The following TENT5B variants were observed in gnomAD, a reference collection of about 807,000 sequenced individuals.
The protein encoded by TENT5B is family with sequence similarity 46 member B.
TENT5B carries 12 observed loss-of-function variants against 21.7 expected under a neutral mutation model. That is an observed-to-expected ratio of 0.55 (90% CI 0.36 to 0.90). The LOEUF (loss-of-function observed/expected upper bound fraction) is 0.90. TENT5B is among the 40% of genes least tolerant of loss of function. TENT5B has a pLI of 0.01. For synonymous variants in TENT5B, 262 were observed against 266.6 expected, an observed-to-expected ratio of 0.98 and a Z score of 0.17; for missense variants, 540 against 601.5, an observed-to-expected ratio of 0.90 and a Z score of 1.07.
chr1:27,007,083 A>C (rs1301189755), intron 1 of TENT5B, 126 bp from the exon 2 acceptor site: 1 of 254,626 alleles, frequency 3.9e-6, no homozygotes, highest in Non-Finnish European at 5.9e-6. Context: ...TGCCTTTGGA[A>C]AATCATTTAA....
intron 1 of TENT5B, among the ~76,000 whole-genome samples, chr1:27,010,415 C>G (rs1024183618): frequency 2.0e-4 from 30 of 152,060 alleles, no homozygotes; most frequent in African/African-American, 6.8e-4. Context: ...CACCACCCTC[C>G]CCCTCTCCCC....
intron 1 of TENT5B, among the ~76,000 whole-genome samples, chr1:27,008,605 G>T (rs1386042488): frequency 1.3e-5 from 2 of 152,012 alleles, no homozygotes; most frequent in African/African-American, 4.8e-5. Flanking sequence ...AATCTATGGG[G>T]ACAGGTGTCT....
chr1:27,012,374 T>C (rs1257171799), intron 1 of TENT5B, 33 bp downstream of exon 1: 2 of 1,599,386 alleles, frequency 1.3e-6, no homozygotes, highest in Non-Finnish European at 1.7e-6. Context: ...TCAGAAGGGA[T>C]TCCCCCACAT....
In TENT5B at chr1:27,006,641, T is replaced by C; in HGVS notation, c.581A>G (p.Asn194Ser). The change falls in exon 2 of 2, where the codon AAC (asparagine) becomes AGC (serine). Residue 194 changes from asparagine (N) to serine (S), a missense_variant. By Grantham distance (46) the Asn-to-Ser change is conservative. Coordinates refer to ENST00000289166, the MANE Select transcript of TENT5B (RefSeq NM_052943.4). The surrounding 1 kb of genome is among the most constrained non-coding windows in gnomAD (Gnocchi z 9.4). ...SDRWSLISLS[N>S]KSGKNVELKF... ...GAGCTCCACGTTCTTGCCGCTCTTG[T>C]TGGACAGTGAGATGAGGCTCCAGCG... 1 of 1,614,110 alleles carries C rather than the reference T, an allele frequency of 6.2e-7. No individual in the cohort carries two copies. The highest frequency in any genetic ancestry group is 1.3e-5 in the African/African-American group (1 of 75,046).
At chr1:27,008,977 C>CTTTTTTT (rs58360969) in intron 1 of TENT5B, among the ~76,000 whole-genome samples, 10 of 31,006 alleles carry the variant, frequency 3.2e-4, no homozygotes, top group East Asian at 1.5e-3. Context: ...CTCCATCCTT[C>CTTTTTTT]TTTTTTTTTT....
rs1241523483 is a variant in TENT5B, at chr1:27,012,687, C to G, written c.-17G>C. 1 of 1,452,220 alleles carries G rather than the reference C, an allele frequency of 6.9e-7. No individual in the cohort carries two copies. 90.0% of individuals were successfully genotyped at this position (1,452,220 alleles called of 1,614,324 possible). On this transcript the variant is annotated 5_prime_UTR_variant, in exon 1 of 2. Transcript: ENST00000289166. ...CGGCATCATCCGCCCGGCCCCCGGG[C>G]CCCGACGGCAGAAACCGTGGGGGTG...
chr1:27,006,922 A>C lies in TENT5B; in HGVS notation c.300T>G (p.His100Gln), dbSNP rs1484025532. Residue 100 changes from histidine (H) to glutamine (Q), a missense_variant, in exon 2 of 2, where the codon CAT becomes CAG. By Grantham distance (24) the His-to-Gln change is conservative. Transcript: ENST00000289166. This position sits in a 1 kb window ranked among gnomAD's most constrained non-coding sequence, Gnocchi z 9.4. Reference sequence around the variant, plus strand: ...AACCATGCAGCCGCACACTGTGCACATGTAGTCCCTGCTCCTCCAGGGTGC... The same window carrying C: ...AACCATGCAGCCGCACACTGTGCACCTGTAGTCCCTGCTCCTCCAGGGTGC... Reference protein sequence around the residue: ...VRSTLEEQGLHVHSVRLHGSA... With the variant: ...VRSTLEEQGLQVHSVRLHGSA... 1 of 1,604,428 alleles carries C rather than the reference A, an allele frequency of 6.2e-7. No individual in the cohort carries two copies. The highest frequency in any genetic ancestry group is 8.5e-7 in the Non-Finnish European group (1 of 1,173,436).
chr1:27,010,174 GACTTGTCCAAGGTTAC>G (rs1342901325), intron 1 of TENT5B, among the ~76,000 whole-genome samples: 1 of 152,172 alleles, frequency 6.6e-6, no homozygotes, highest in African/African-American at 2.4e-5. Flanking sequence ...GAAGGCAAAG[GACTTGTCCAAGGTTAC>G]ACAACCAATA....
intron 1 of TENT5B, 55 bp from the exon 2 acceptor site, chr1:27,007,012 A>G: frequency 1.3e-6 from 2 of 1,492,970 alleles, no homozygotes; most frequent in East Asian, 2.3e-5. Flanking sequence ...GGGGTCCACC[A>G]AGGACTTCCG....
Position 27,006,966 on chromosome 1 carries a change from G to A in TENT5B, c.265-9C>T. 6.4e-7 allele frequency: 1 copy of A among 1,566,448 alleles called. No individual in the cohort carries two copies. The highest frequency in any genetic ancestry group is 8.7e-7 in the Non-Finnish European group (1 of 1,152,872). On this transcript the variant is annotated splice_polypyrimidine_tract_variant and intron_variant, in intron 1 of 1. Coordinates refer to ENST00000289166, the MANE Select transcript of TENT5B (RefSeq NM_052943.4). The surrounding 1 kb of genome is among the most constrained non-coding windows in gnomAD (Gnocchi z 9.4). ...AGGGTGCTGCGGACCACCTGCAGGG[G>A]AGAGCAGGAAGGAGAGGTGTCAGGA...
chr1:27,008,316 G>A (rs2082609884), intron 1 of TENT5B, among the ~76,000 whole-genome samples: 1 of 152,178 alleles, frequency 6.6e-6, no homozygotes, highest in Non-Finnish European at 1.5e-5. Context: ...AGACCAGGCT[G>A]TTCTCCTTGC....
chr1:27,006,200 G>A lies in TENT5B; in HGVS notation c.1022C>T (p.Ala341Val), dbSNP rs1384487671. 6.2e-7 allele frequency: 1 copy of A among 1,612,304 alleles called. No homozygotes were observed. Among genetic ancestry groups the A allele is most frequent in the South Asian group, 1.1e-5 (1 of 90,948 alleles). ...CACCCGGTGCAGTGTCACCAGGCAG[G>A]CGTAACGGCGGGCTGCATCTGCCCC... ...FGGADAARRY[A>V]CLVTLHRVVN... Residue 341 changes from alanine (A) to valine (V), a missense_variant, in exon 2 of 2, where the codon GCC (alanine) becomes GTC (valine). By Grantham distance (64) the Ala-to-Val change is moderately conservative. Coordinates refer to ENST00000289166, the MANE Select transcript of TENT5B (RefSeq NM_052943.4). This position sits in a 1 kb window ranked among gnomAD's most constrained non-coding sequence, Gnocchi z 9.4.
At chr1:27,010,693 C>G (rs1247852667) in intron 1 of TENT5B, among the ~76,000 whole-genome samples, 1 of 152,224 alleles carries the variant, frequency 6.6e-6, no homozygotes, top group East Asian at 1.9e-4. Context: ...CAGCCCAGCT[C>G]TGAAGTCTCT....
intron 1 of TENT5B, among the ~76,000 whole-genome samples, chr1:27,007,555 C>T (rs2082606767): frequency 6.6e-6 from 1 of 151,876 alleles, no homozygotes; most frequent in African/African-American, 2.4e-5. Flanking sequence ...CTGTGCCCGG[C>T]TAATTTTTGT....
chr1:27,010,353 T>C (rs2082618062), intron 1 of TENT5B, among the ~76,000 whole-genome samples: 1 of 152,068 alleles, frequency 6.6e-6, no homozygotes. Flanking sequence ...GTTCCAATTT[T>C]TGAGCCATAG....
At chr1:27,011,362 T>G (rs2082623112) in intron 1 of TENT5B, among the ~76,000 whole-genome samples, 1 of 151,926 alleles carries the variant, frequency 6.6e-6, no homozygotes, top group African/African-American at 2.4e-5. Context: ...CGCACAGGAG[T>G]CCTCGCTGGG....
intron 1 of TENT5B, among the ~76,000 whole-genome samples, chr1:27,008,045 CTG>C (rs1190694373): frequency 6.6e-6 from 1 of 152,132 alleles, no homozygotes; most frequent in Non-Finnish European, 1.5e-5. Flanking sequence ...GATGAGGAAA[CTG>C]AGGCTTACAG....
At chr1:27,011,944 C>T (rs2082625297) in intron 1 of TENT5B, among the ~76,000 whole-genome samples, 1 of 152,130 alleles carries the variant, frequency 6.6e-6, no homozygotes, top group African/African-American at 2.4e-5. Flanking sequence ...CAGCAAAAGG[C>T]TGTAGGAGCA....
chr1:27,012,194 C>G (rs142865877), intron 1 of TENT5B, among the ~76,000 whole-genome samples: 1 of 152,098 alleles, frequency 6.6e-6, no homozygotes, highest in African/African-American at 2.4e-5. Context: ...CAGGGTTCTC[C>G]AAGAGTCGAG....
Sources: allele counts gnomAD v4.1 joint callset (sites outside exome capture counted in the v4.1 genomes callset), GRCh38; gene constraint gnomAD v4.1.1; non-coding constraint Gnocchi (gnomAD v3.1); transcripts MANE v1.5; gene names NCBI Gene and HGNC (gene_info 2026-07-23, HGNC 2026-07-21).